SNED1: variants seen among roughly 807,000 people sequenced by gnomAD.
SNED1 encodes sushi, nidogen and EGF like domains 1.
A neutral mutation model predicts 166.7 loss-of-function variants in SNED1; 81 were observed. The observed-to-expected ratio is 0.49, with a 90% CI of 0.41 to 0.58. The LOEUF (loss-of-function observed/expected upper bound fraction) is 0.58, where lower values mean the gene tolerates loss of function less well. SNED1 is among the 20% of genes least tolerant of loss of function. The pLI, the probability that SNED1 is intolerant of heterozygous loss-of-function variation, is 0.00. For missense variants in SNED1, 1,604 were observed against 2,000.2 expected, an observed-to-expected ratio of 0.80 and a Z score of 3.78; for synonymous variants, 762 against 822.0, an observed-to-expected ratio of 0.93 and a Z score of 1.25.
intron 1 of SNED1, among the ~76,000 whole-genome samples, chr2:241,001,963 C>T (rs2060089490): frequency 6.6e-6 from 1 of 152,172 alleles, no homozygotes. Context: ...ACTCTGTGCC[C>T]TGAGGCTTCG....
chr2:241,031,969 C>G (rs2061186467), intron 2 of SNED1, among the ~76,000 whole-genome samples: 1 of 152,180 alleles, frequency 6.6e-6, no homozygotes. Flanking sequence ...CGGCATAGCC[C>G]AAGTCGCCTT....
At chr2:241,052,780 G>A (rs1158307006) in intron 15 of SNED1, among the ~76,000 whole-genome samples, 7 of 123,606 alleles carry the variant, frequency 5.7e-5, no homozygotes, top group East Asian at 3.9e-4. Flanking sequence ...ATGGGATGCT[G>A]GTGTCAGGCA....
chr2:241,077,742 GA>G (rs1303494463), intron 27 of SNED1, among the ~76,000 whole-genome samples: 3 of 152,160 alleles, frequency 2.0e-5, no homozygotes, highest in East Asian at 1.9e-4. Flanking sequence ...TAATCACACC[GA>G]AAAGATCCTT....
intron 29 of SNED1, among the ~76,000 whole-genome samples, chr2:241,084,127 G>A (rs1055151883): frequency 1.4e-4 from 20 of 140,672 alleles, no homozygotes; most frequent in African/African-American, 4.0e-4. Context: ...TGATGGCAGC[G>A]TCTAGGATTT....
intron 21 of SNED1, among the ~76,000 whole-genome samples, chr2:241,067,529 CCACAGCGGGCTCTGCAGCCGTCATGCT>C (rs369464435): frequency 2.6e-5 from 4 of 152,178 alleles, no homozygotes; most frequent in African/African-American, 7.2e-5. Flanking sequence ...ACGGGCTGGC[CCACAGCGGGCTCTGCAGCCGTCATGCT>C]CACAGCGGGT....
intron 31 of SNED1, chr2:241,090,055 A>AAATT (rs2063822252): frequency 6.5e-7 from 1 of 1,533,922 alleles, no homozygotes; most frequent in African/African-American, 1.4e-5. Context: ...CTGCAATAAG[A>AAATT]AATTAACCTT....
intron 21 of SNED1, among the ~76,000 whole-genome samples, chr2:241,065,988 C>G (rs1245895924): frequency 1.3e-5 from 2 of 152,038 alleles, no homozygotes; most frequent in African/African-American, 2.4e-5. Flanking sequence ...CTCTGAAGGC[C>G]TGGGGAGAGT....
intron 14 of SNED1, 46 bp downstream of exon 14, chr2:241,052,203 T>C: frequency 6.5e-7 from 1 of 1,547,538 alleles, no homozygotes; most frequent in Non-Finnish European, 8.9e-7. Flanking sequence ...GGGTGAACCC[T>C]CTCTGCAGAT....
intron 31 of SNED1, chr2:241,089,313 G>C (rs1183555699): frequency 1.3e-6 from 2 of 1,550,302 alleles, no homozygotes; most frequent in African/African-American, 2.7e-5. Context: ...AGATGAGTGA[G>C]GCACCCTTGG....
rs570906003 is a variant in SNED1, at chr2:241,051,020, G to C, written c.1736-724G>C. On this transcript the variant is annotated intron_variant, in intron 12 of 31. Coordinates refer to ENST00000310397, the MANE Select transcript of SNED1 (RefSeq NM_001080437.3). This position sits in a 1 kb window ranked among gnomAD's most constrained non-coding sequence, Gnocchi z 4.7. ...GAGGGAGTACGGAAGGGACAAGGATGGCTGTCCTCAGGGGTGGGGCAGCCA... is the reference window on the plus strand; with the variant it reads ...GAGGGAGTACGGAAGGGACAAGGATCGCTGTCCTCAGGGGTGGGGCAGCCA... Among the ~76,000 whole-genome samples, 757 of 152,350 alleles carry C rather than the reference G, an allele frequency of 5.0e-3. 4 individuals carry two copies. Among genetic ancestry groups the C allele is most frequent in the African/African-American group, 0.016 (655 of 41,558 alleles).
chr2:241,041,361 C>T (rs930975565), intron 8 of SNED1: 1 of 158,540 alleles, frequency 6.3e-6, no homozygotes, highest in Non-Finnish European at 1.4e-5. Context: ...GTGTTTTCTA[C>T]AGAATAATGA....
At position 240,998,802 on chromosome 2, in the gene SNED1, T is replaced by C; in HGVS notation, c.-36T>C. The C allele has an allele frequency of 1.8e-6, 2 of 1,107,318 alleles. No homozygotes were observed. Among genetic ancestry groups the C allele is most frequent in the East Asian group, 9.8e-5 (2 of 20,444 alleles). The allele number at this position is 1,107,318 out of a possible 1,614,324, so 68.6% of individuals were successfully genotyped here. On this transcript the variant is annotated 5_prime_UTR_variant, in exon 1 of 32. Coordinates refer to ENST00000310397, the MANE Select transcript of SNED1 (RefSeq NM_001080437.3). ...GCAGCCTAGTCCCCCAGCGCCCTGC[T>C]CCGCCAGCGCCCCGTCCCGCCCGCA...
At chr2:241,006,713 C>G (rs1037606648) in intron 1 of SNED1, among the ~76,000 whole-genome samples, 2 of 152,224 alleles carry the variant, frequency 1.3e-5, no homozygotes, top group Non-Finnish European at 2.9e-5. Context: ...GTTCCTAGCT[C>G]TGTCCACTGA....
At chr2:241,078,212 G>T (rs1039361628) in intron 27 of SNED1, among the ~76,000 whole-genome samples, 6 of 151,286 alleles carry the variant, frequency 4.0e-5, no homozygotes, top group Non-Finnish European at 8.8e-5. Context: ...GTGAAACCCC[G>T]TCTCTACTAA....
intron 17 of SNED1, 122 bp from the exon 18 acceptor site, chr2:241,063,465 G>A: frequency 1.4e-6 from 1 of 727,924 alleles, no homozygotes; most frequent in South Asian, 1.5e-5. Context: ...CACATGTCCT[G>A]AGTAGTTGCT....
At chr2:241,030,040 G>T (rs918460687) in intron 1 of SNED1, among the ~76,000 whole-genome samples, 2 of 152,264 alleles carry the variant, frequency 1.3e-5, no homozygotes, top group African/African-American at 4.8e-5. Flanking sequence ...ACTCCACAGG[G>T]CATCGGGTAC....
intron 1 of SNED1, among the ~76,000 whole-genome samples, chr2:241,026,517 T>G (rs189957352): frequency 3.6e-4 from 55 of 152,326 alleles, no homozygotes; most frequent in African/African-American, 1.3e-3. Context: ...TTTGTCTCCT[T>G]TAAAATTCTG....
At chr2:241,036,765 C>T in intron 4 of SNED1, 25 bp from the exon 5 acceptor site, 1 of 1,603,978 alleles carries the variant, frequency 6.2e-7, no homozygotes, top group Non-Finnish European at 8.5e-7. Flanking sequence ...GCGGCTGAGG[C>T]TCCAGCCCCT....
intron 30 of SNED1, 108 bp downstream of exon 30, chr2:241,087,583 G>T: frequency 6.9e-7 from 1 of 1,458,160 alleles, no homozygotes; most frequent in Non-Finnish European, 9.1e-7. Flanking sequence ...TGAGCCAGGC[G>T]GTCTACTCGC....
Sources: gnomAD v4.1 joint callset for allele counts (sites outside exome capture counted in the v4.1 genomes callset) on GRCh38, gnomAD v4.1.1 for gene constraint, Gnocchi (gnomAD v3.1) non-coding constraint, MANE v1.5 for transcripts, NCBI Gene and HGNC (gene_info 2026-07-23, HGNC 2026-07-21) for gene names.